Variants in EPHB2 observed in about 807,000 individuals in gnomAD.
EPHB2 encodes the protein EPH receptor B2.
In EPHB2, 18 loss-of-function variants were observed where a neutral mutation model predicts 96.4. That is an observed-to-expected ratio of 0.19 (90% confidence interval 0.13 to 0.28). EPHB2 has a LOEUF of 0.28. EPHB2 is among the 10% of genes least tolerant of loss of function. EPHB2 has a pLI of 1.00. For synonymous variants in EPHB2, 506 were observed against 534.1 expected, an observed-to-expected ratio of 0.95 and a Z score of 0.72; for missense variants, 989 against 1,355.4, an observed-to-expected ratio of 0.73 and a Z score of 4.25.
At chr1:22,817,556 G>A (rs866446565) in intron 3 of EPHB2, among the ~76,000 whole-genome samples, 2 of 152,166 alleles carry the variant, frequency 1.3e-5, no homozygotes, top group Non-Finnish European at 2.9e-5. Context: ...TCCAGCCCCC[G>A]GTGTGCTTTG....
chr1:22,872,161 A>G (rs969284579), intron 5 of EPHB2, among the ~76,000 whole-genome samples: 8 of 152,036 alleles, frequency 5.3e-5, no homozygotes, highest in Admixed American at 5.2e-4. Flanking sequence ...TGGCTGTGGG[A>G]GTGAGGCCTC....
Position 22,737,552 on chromosome 1 carries a change from A to C in EPHB2, c.61+26509A>C, listed in dbSNP as rs552090644. ...TCTTGCTTCTGCCTAGTGAACTCCTACTCATCCTTCAAGGCCCAACTCAAA... is the reference window on the plus strand; with the variant it reads ...TCTTGCTTCTGCCTAGTGAACTCCTCCTCATCCTTCAAGGCCCAACTCAAA... On this transcript the variant is annotated intron_variant, in intron 1 of 15. Transcript: ENST00000374630. 2.6e-5 allele frequency among the ~76,000 whole-genome samples: 4 copies of C among 151,956 alleles called. No individual in the cohort carries two copies. In the South Asian group the frequency reaches 8.3e-4, roughly 32 times the overall value.
chr1:22,901,101 T>G (rs1268708385), intron 9 of EPHB2, among the ~76,000 whole-genome samples: 1 of 152,250 alleles, frequency 6.6e-6, no homozygotes, highest in Non-Finnish European at 1.5e-5. Flanking sequence ...GATACTTTTG[T>G]CACAGAATTG....
intron 1 of EPHB2, among the ~76,000 whole-genome samples, chr1:22,716,839 C>T (rs1257567121): frequency 6.6e-6 from 1 of 152,204 alleles, no homozygotes; most frequent in Non-Finnish European, 1.5e-5. Flanking sequence ...CCCATGCTCC[C>T]ACTGAGGGTG....
At chr1:22,897,664 G>C (rs915101027) in intron 9 of EPHB2, among the ~76,000 whole-genome samples, 21 of 152,144 alleles carry the variant, frequency 1.4e-4, no homozygotes, top group Non-Finnish European at 1.5e-5. Flanking sequence ...GTGTGTGCCT[G>C]TAATCCCAGC....
chr1:22,745,634 CCTGT>C (rs768285391), intron 1 of EPHB2, among the ~76,000 whole-genome samples: 2 of 152,134 alleles, frequency 1.3e-5, no homozygotes, highest in Non-Finnish European at 2.9e-5. Context: ...GGGCAAGTGA[CCTGT>C]CTGAGCCTCA....
At chr1:22,884,858 A>G (rs1017137765) in intron 6 of EPHB2, among the ~76,000 whole-genome samples, 2 of 152,098 alleles carry the variant, frequency 1.3e-5, no homozygotes, top group Non-Finnish European at 2.9e-5. Context: ...GCCCTTCTGC[A>G]TAGCATTTAT....
At position 22,797,398 on chromosome 1, in the gene EPHB2, C is replaced by T. The variant is rs113403620; in HGVS notation, c.811+12322C>T. Among the ~76,000 whole-genome samples, 39 of 152,296 alleles carry T rather than the reference C, an allele frequency of 2.6e-4. 1 individual carries two copies. Among genetic ancestry groups the T allele is most frequent in the African/African-American group, 8.9e-4 (37 of 41,564 alleles). On this transcript the variant is annotated intron_variant, in intron 3 of 15. Coordinates refer to ENST00000374630, the MANE Select transcript of EPHB2 (RefSeq NM_017449.5). ...GTGACTGCTCCCTCTTCTGGGACCT[C>T]ACTGGCTCCCAGGGTCCCACCCCCC...
At chr1:22,849,495 A>G (rs1470899065) in intron 3 of EPHB2, among the ~76,000 whole-genome samples, 1 of 152,204 alleles carries the variant, frequency 6.6e-6, no homozygotes, top group Non-Finnish European at 1.5e-5. Context: ...TCTATGTGGA[A>G]CAACCGTTGC....
chr1:22,818,223 C>A (rs1358563554), intron 3 of EPHB2, among the ~76,000 whole-genome samples: 2 of 152,130 alleles, frequency 1.3e-5, no homozygotes, highest in Non-Finnish European at 2.9e-5. Flanking sequence ...CTGGCCAGCC[C>A]CCCACGACCT....
intron 1 of EPHB2, among the ~76,000 whole-genome samples, chr1:22,771,126 G>A (rs1319327495): frequency 2.0e-5 from 3 of 152,308 alleles, no homozygotes; most frequent in Admixed American, 2.0e-4. Flanking sequence ...GGGTGATCAG[G>A]AGTAAGGTGG....
intron 14 of EPHB2, among the ~76,000 whole-genome samples, chr1:22,911,516 C>T (rs989138623): frequency 6.6e-6 from 1 of 152,206 alleles, no homozygotes; most frequent in African/African-American, 2.4e-5. Flanking sequence ...ACGGGCTCAG[C>T]CTGAGGGGTG....
intron 3 of EPHB2, among the ~76,000 whole-genome samples, chr1:22,829,104 C>T (rs913148455): frequency 6.6e-6 from 1 of 152,120 alleles, no homozygotes; most frequent in Non-Finnish European, 1.5e-5. Flanking sequence ...GAACATTTTA[C>T]GTGTCTTGTG....
At chr1:22,758,070 T>C (rs986145683) in intron 1 of EPHB2, among the ~76,000 whole-genome samples, 76 of 139,266 alleles carry the variant, frequency 5.5e-4, no homozygotes, top group South Asian at 9.9e-4. Context: ...AGGCGCCCGC[T>C]ACCACACCCG....
intron 3 of EPHB2, among the ~76,000 whole-genome samples, chr1:22,798,129 G>T (rs1035631172): frequency 6.6e-5 from 10 of 152,288 alleles, no homozygotes; most frequent in African/African-American, 2.4e-4. Flanking sequence ...GTATTTCCAG[G>T]TTCTAGGATG....
At chr1:22,911,006 GGT>G (rs1640081429) in intron 14 of EPHB2, among the ~76,000 whole-genome samples, 1 of 152,028 alleles carries the variant, frequency 6.6e-6, no homozygotes, top group African/African-American at 2.4e-5. Flanking sequence ...AGCCCCTGGT[GGT>G]GTGCACCTGT....
rs767310647 is a variant in EPHB2 at position 22,896,447 on chromosome 1, G to A, written c.1734G>A (p.Thr578=). 9.9e-6 allele frequency: 16 copies of A among 1,614,014 alleles called. No individual in the cohort carries two copies. Among genetic ancestry groups the A allele is most frequent in the Middle Eastern group, 1.6e-4 (1 of 6,082 alleles). ...TTGAGCGTGCTGACTCGGAGTACAC[G>A]GACAAGCTGCAACACTACACCAGTG... ...RGFERADSEY[T]DKLQHYTSGH... The change falls in exon 9 of 16, where the codon ACG becomes ACA. Residue 578 remains threonine, a synonymous_variant. Coordinates refer to ENST00000374630, the MANE Select transcript of EPHB2 (RefSeq NM_017449.5).
intron 3 of EPHB2, among the ~76,000 whole-genome samples, chr1:22,847,911 T>A (rs1480218808): frequency 6.6e-6 from 1 of 152,102 alleles, no homozygotes; most frequent in African/African-American, 2.4e-5. Context: ...TAATACCCTA[T>A]TCAAGTGGCT....
intron 3 of EPHB2, among the ~76,000 whole-genome samples, chr1:22,849,261 C>A (rs943342277): frequency 6.6e-6 from 1 of 152,170 alleles, no homozygotes; most frequent in Admixed American, 6.5e-5. Context: ...TGCAGAAAGG[C>A]CTTTTCTGCC....
Sources: allele counts gnomAD v4.1 joint callset (sites outside exome capture counted in the v4.1 genomes callset), GRCh38; gene constraint gnomAD v4.1.1; transcripts MANE v1.5; gene names NCBI Gene and HGNC (gene_info 2026-07-23, HGNC 2026-07-21).